Variants in CCDC13 observed in about 807,000 individuals in gnomAD.
CCDC13 encodes the protein coiled-coil domain containing 13.
A neutral mutation model predicts 87.3 loss-of-function variants in CCDC13; 70 were observed. The ratio of observed to expected loss-of-function variants is 0.80; its 90% confidence interval spans 0.66 to 0.98. The LOEUF is 0.98. CCDC13 is among the 50% of genes least tolerant of loss of function. The pLI, the probability that CCDC13 is intolerant of heterozygous loss-of-function variation, is 0.00. For synonymous variants in CCDC13, 317 were observed against 360.3 expected (o/e 0.88, Z 1.36); for missense variants, 842 against 892.0 (o/e 0.94, Z 0.71).
intron 8 of CCDC13, 85 bp from the exon 9 acceptor site, chr3:42,739,895 G>C: frequency 7.5e-7 from 1 of 1,327,570 alleles, no homozygotes. Flanking sequence ...TCAATGGCAA[G>C]GCCCGGGGCT....
At chr3:42,732,771 G>A in intron 12 of CCDC13, 116 bp downstream of exon 12, 1 of 821,172 alleles carries the variant, frequency 1.2e-6, no homozygotes, top group Non-Finnish European at 1.9e-6. Flanking sequence ...AACCTTGGAA[G>A]AGTCCCTGGA....
intron 9 of CCDC13, 62 bp from the exon 10 acceptor site, chr3:42,735,975 A>T: frequency 1.3e-6 from 2 of 1,490,968 alleles, no homozygotes; most frequent in South Asian, 2.4e-5. Context: ...GGGGAGGACA[A>T]GAACAGACTG....
At chr3:42,733,222 C>T (rs527817722) in intron 11 of CCDC13, among the ~76,000 whole-genome samples, 2 of 152,308 alleles carry the variant, frequency 1.3e-5, no homozygotes, top group African/African-American at 4.8e-5. Context: ...CTTTTGAGGC[C>T]AGCTCAGAAA....
downstream of CCDC13, among the ~76,000 whole-genome samples, chr3:42,705,202 A>C (rs1168801216): frequency 3.3e-5 from 5 of 152,058 alleles, no homozygotes; most frequent in African/African-American, 1.2e-4. Flanking sequence ...GGGCAGGCCG[A>C]CTTCTTTGTG....
At position 42,747,260 on chromosome 3, in the gene CCDC13, C is replaced by T. The variant is rs1296257960; in HGVS notation, c.717G>A (p.Gln239=). Residue 239 remains glutamine, a synonymous_variant, in exon 6 of 16, where the codon CAG becomes CAA. Coordinates refer to ENST00000310232, the MANE Select transcript of CCDC13 (RefSeq NM_144719.4). ...QSVKQELRMA[Q]KVLAREVGED... ...CCAAGCCCTGGCTCTGAAAGACCTT[C>T]TGTGCCATCCGCAGCTCCTGCTTCA... The T allele has an allele frequency of 1.9e-6, 3 of 1,613,574 alleles. No individual in the cohort carries two copies. The Admixed American group carries it at 5.0e-5, about 27-fold the overall frequency.
In CCDC13 at chr3:42,706,204, G is replaced by A. The variant is rs2125863993; in HGVS notation, c.*2776C>T. 6.6e-6 allele frequency: 1 copy of A among 152,506 alleles called. No homozygotes were observed. Among genetic ancestry groups the A allele is most frequent in the East Asian group, 1.9e-4 (1 of 5,188 alleles). The allele number at this position is 152,506 out of a possible 1,614,324, so 9.4% of individuals were successfully genotyped here. A position where few individuals can be genotyped will look rare whatever the true frequency, so the allele number is the denominator to read the frequency against. On this transcript the variant is annotated 3_prime_UTR_variant, in exon 16 of 16. Coordinates refer to ENST00000310232, the MANE Select transcript of CCDC13 (RefSeq NM_144719.4). ...GGTGGCCGACTGGCTGGATGGAATG[G>A]TGACCTGTGACCAGTCTGTCTCTCT...
intron 8 of CCDC13, among the ~76,000 whole-genome samples, chr3:42,742,039 C>T (rs1252675688): frequency 6.6e-6 from 1 of 152,252 alleles, no homozygotes; most frequent in Non-Finnish European, 1.5e-5. Context: ...GGCCTGCCTG[C>T]ACCTCTTCAT....
chr3:42,737,362 C>T (rs539284217), intron 9 of CCDC13, among the ~76,000 whole-genome samples: 3 of 152,272 alleles, frequency 2.0e-5, no homozygotes, highest in African/African-American at 7.2e-5. Flanking sequence ...TGGATAGTGC[C>T]GCAGTAAACA....
intron 5 of CCDC13, among the ~76,000 whole-genome samples, chr3:42,748,844 C>T (rs557982071): frequency 6.6e-6 from 1 of 152,330 alleles, no homozygotes; most frequent in African/African-American, 2.4e-5. Flanking sequence ...AACCTCCGCC[C>T]CCCCGGGTTG....
intron 13 of CCDC13, among the ~76,000 whole-genome samples, chr3:42,726,964 A>G (rs1698703746): frequency 6.6e-6 from 1 of 152,226 alleles, no homozygotes; most frequent in Non-Finnish European, 1.5e-5. Context: ...ATAGTAGATG[A>G]TAAAAAACAA....
At chr3:42,709,166 G>A in intron 15 of CCDC13, 27 bp from the exon 16 acceptor site, 1 of 1,597,482 alleles carries the variant, frequency 6.3e-7, no homozygotes, top group South Asian at 1.1e-5. Context: ...AGTGCTCAGT[G>A]TGGCTGGAGC....
intron 3 of CCDC13, among the ~76,000 whole-genome samples, chr3:42,754,394 C>T (rs536406888): frequency 6.6e-6 from 1 of 152,244 alleles, no homozygotes; most frequent in East Asian, 1.9e-4. Context: ...CCCCATTCAG[C>T]ACCAAGATGG....
intron 12 of CCDC13, among the ~76,000 whole-genome samples, chr3:42,731,120 C>A (rs574720220): frequency 2.3e-4 from 35 of 152,296 alleles, no homozygotes; most frequent in Non-Finnish European, 4.6e-4. Context: ...CTCTTACCTG[C>A]TGGCTGGAGC....
chr3:42,769,831 G>T (rs1700019321), intron 1 of CCDC13, among the ~76,000 whole-genome samples: 2 of 152,252 alleles, frequency 1.3e-5, no homozygotes, highest in Admixed American at 1.3e-4. Context: ...CAAGCCCCTG[G>T]CAGTGAGGAG....
intron 3 of CCDC13, among the ~76,000 whole-genome samples, chr3:42,753,532 G>A (rs1456534574): frequency 1.3e-5 from 2 of 152,178 alleles, no homozygotes; most frequent in Non-Finnish European, 1.5e-5. Context: ...TTCAAGTAGG[G>A]AAGACAGATA....
At position 42,706,439 on chromosome 3, in the gene CCDC13, C is replaced by G. The variant is rs1409018788; in HGVS notation, c.*2541G>C. ...TCTCAGTGAACCCTGCAGAGGGTTC[C>G]AATGAGGGAATGGAGCAGACCTGAT... On this transcript the variant is annotated 3_prime_UTR_variant, in exon 16 of 16. Coordinates refer to ENST00000310232, the MANE Select transcript of CCDC13 (RefSeq NM_144719.4). 6.6e-6 allele frequency: 1 copy of G among 152,154 alleles called. No homozygotes were observed. Among genetic ancestry groups the G allele is most frequent in the East Asian group, 1.9e-4 (1 of 5,188 alleles). 9.4% of individuals were successfully genotyped at this position (152,154 alleles called of 1,614,324 possible). A position where few individuals can be genotyped will look rare whatever the true frequency, so the allele number is the denominator to read the frequency against.
Position 42,713,311 on chromosome 3 carries a change from T to G in CCDC13, c.1724A>C (p.Glu575Ala). ...CTCCAGGAGCTTGCTGTTGCTCTCC[T>G]CCACCCTGGTGATTAGAGAGGAGGG... ...EFVTVLQKRVEESNSKLLESE... is the reference protein window; with the variant it reads ...EFVTVLQKRVAESNSKLLESE... The change falls in exon 14 of 16, where the codon GAG (glutamate) becomes GCG (alanine). Residue 575 changes from glutamate (E) to alanine (A), a missense_variant. Glu to Ala is a moderately radical substitution (Grantham distance 107). Transcript: ENST00000310232. The G allele has an allele frequency of 6.2e-7, 1 of 1,613,826 alleles. No individual in the cohort carries two copies. Among genetic ancestry groups the G allele is most frequent in the Non-Finnish European group, 8.5e-7 (1 of 1,179,858 alleles).
chr3:42,736,136 A>G (rs1000825785), intron 9 of CCDC13, among the ~76,000 whole-genome samples: 3 of 152,198 alleles, frequency 2.0e-5, no homozygotes, highest in African/African-American at 4.8e-5. Flanking sequence ...TCCTTCTCTG[A>G]GTTTGGGGCC....
In CCDC13 at chr3:42,724,369, A is replaced by G. The variant is rs142697356; in HGVS notation, c.1718+6098T>C. The stretch of plus-strand genomic sequence containing the variant: ...AGCTTCCAATCTATCAGCAGGCTCT[A>G]CAACTTTTCCTGCAAATATGCACCA... On this transcript the variant is annotated intron_variant, in intron 13 of 15. Coordinates refer to ENST00000310232, the MANE Select transcript of CCDC13 (RefSeq NM_144719.4). Among the ~76,000 whole-genome samples, 21 of 152,326 alleles carry G rather than the reference A, an allele frequency of 1.4e-4. No homozygotes were observed. The East Asian group carries it at 3.5e-3, about 25-fold the overall frequency.
Sources: gnomAD v4.1 joint callset for allele counts (sites outside exome capture counted in the v4.1 genomes callset) on GRCh38, gnomAD v4.1.1 for gene constraint, MANE v1.5 for transcripts, NCBI Gene and HGNC (gene_info 2026-07-23, HGNC 2026-07-21) for gene names.